Variants in PIEZO2 observed in about 807,000 individuals in gnomAD.
The protein encoded by PIEZO2 is piezo-type mechanosensitive ion channel component 2.
Under a neutral mutation model 337.3 loss-of-function variants are expected in PIEZO2, and 172 were observed. The ratio of observed to expected loss-of-function variants is 0.51; its 90% confidence interval spans 0.45 to 0.58. PIEZO2 has a LOEUF of 0.58. Among genes scored for constraint, PIEZO2 ranks in the 20% least tolerant of loss-of-function variants. PIEZO2 has a pLI of 0.00. For synonymous variants in PIEZO2, 1,251 were observed against 1,228.5 expected (o/e 1.02, Z -0.38); for missense variants, 3,028 against 3,391.3 (o/e 0.89, Z 2.66).
At chr18:11,022,953 C>T (rs150156594) in intron 2 of PIEZO2, among the ~76,000 whole-genome samples, 2 of 152,024 alleles carry the variant, frequency 1.3e-5, no homozygotes, top group Non-Finnish European at 2.9e-5. Flanking sequence ...AGGAGTGAAG[C>T]TGCGCACCTT....
rs2040922281 is a variant in PIEZO2, at chr18:10,833,725, A to G, written c.917+21628T>C. ...TCTGGAGAGACACTTTCTTCTTTCT[A>G]GTCAGCTTTGGGTCAAATATGTGTT... is the stretch of plus-strand genomic sequence containing the variant. On this transcript the variant is annotated intron_variant, in intron 7 of 55. Coordinates refer to ENST00000674853, the MANE Select transcript of PIEZO2 (RefSeq NM_001378183.1). The surrounding 1 kb of genome is among the most constrained non-coding windows in gnomAD (Gnocchi z 4.7). Among the ~76,000 whole-genome samples, 1 of 152,176 alleles carries G rather than the reference A, an allele frequency of 6.6e-6. No individual in the cohort carries two copies. Among genetic ancestry groups the G allele is most frequent in the Non-Finnish European group, 1.5e-5 (1 of 68,026 alleles).
At chr18:10,887,786 C>G (rs2042649319) in intron 4 of PIEZO2, among the ~76,000 whole-genome samples, 1 of 152,158 alleles carries the variant, frequency 6.6e-6, no homozygotes, top group Non-Finnish European at 1.5e-5. Context: ...TGAGTACCGT[C>G]TTTCATTATG....
In PIEZO2 at chr18:11,031,991, A is replaced by G. The variant is rs1481436691; in HGVS notation, c.160+34136T>C. ...TTCTCTCTGTCTCTCTCTCACACAC[A>G]TACGCATACACACAGATATTTACTG... On this transcript the variant is annotated intron_variant, in intron 2 of 55. Transcript: ENST00000674853. This position sits in a 1 kb window ranked among gnomAD's most constrained non-coding sequence, Gnocchi z 4.7. Among the ~76,000 whole-genome samples, 1 of 152,112 alleles carries G rather than the reference A, an allele frequency of 6.6e-6. No individual in the cohort carries two copies. Among genetic ancestry groups the G allele is most frequent in the African/African-American group, 2.4e-5 (1 of 41,412 alleles).
chr18:10,932,991 G>A (rs1422781565), intron 3 of PIEZO2, among the ~76,000 whole-genome samples: 2 of 152,082 alleles, frequency 1.3e-5, no homozygotes, highest in African/African-American at 2.4e-5. Flanking sequence ...AAGGGACTTA[G>A]GGAAGGGGCA....
At chr18:11,024,094 A>G (rs1331170310) in intron 2 of PIEZO2, among the ~76,000 whole-genome samples, 2 of 152,210 alleles carry the variant, frequency 1.3e-5, no homozygotes, top group African/African-American at 4.8e-5. Context: ...AGGGGCTCCC[A>G]CAGTGCAGCG....
At chr18:10,984,177 A>G (rs1014382232) in intron 2 of PIEZO2, among the ~76,000 whole-genome samples, 1 of 152,208 alleles carries the variant, frequency 6.6e-6, no homozygotes, top group African/African-American at 2.4e-5. Flanking sequence ...CAAAAATTCA[A>G]GAACATGAAG....
chr18:10,689,577 G>A, intron 49 of PIEZO2, 78 bp downstream of exon 49: 3 of 1,580,514 alleles, frequency 1.9e-6, no homozygotes, highest in East Asian at 2.2e-5. Flanking sequence ...ATTGTGAGCA[G>A]AAGTTCACAT....
At position 11,138,890 on chromosome 18, in the gene PIEZO2, G is replaced by A. The variant is rs573166988; in HGVS notation, c.64+9635C>T. 3.6e-4 allele frequency among the ~76,000 whole-genome samples: 55 copies of A among 152,266 alleles called. No individual in the cohort carries two copies. In the South Asian group the frequency reaches 0.011, roughly 32 times the overall value. ...AGGCTGTCTGATGTATCTGATTGGG[G>A]AGAAGACGGCAAAGACAAGACCATT... On this transcript the variant is annotated intron_variant, in intron 1 of 55. Coordinates refer to ENST00000674853, the MANE Select transcript of PIEZO2 (RefSeq NM_001378183.1).
chr18:10,671,880 G>T, intron 55 of PIEZO2, 101 bp from the exon 56 acceptor site: 1 of 1,107,470 alleles, frequency 9.0e-7, no homozygotes, highest in Non-Finnish European at 1.2e-6. Context: ...CTCAAATTCT[G>T]TAGAAGAAAT....
intron 20 of PIEZO2, among the ~76,000 whole-genome samples, chr18:10,770,586 TTC>T (rs2038560657): frequency 6.6e-6 from 1 of 151,070 alleles, no homozygotes; most frequent in Non-Finnish European, 1.5e-5. Flanking sequence ...CCTTCCTTCC[TTC>T]CTTCCACTCG....
Position 10,752,862 on chromosome 18 carries a change from G to T in PIEZO2, c.3941C>A (p.Ser1314Tyr), listed in dbSNP as rs9959296. Residue 1314 changes from serine (S) to tyrosine (Y), a missense_variant, in exon 28 of 56, where the codon TCC becomes TAC. By Grantham distance (144) the Ser-to-Tyr change is moderately radical (BLOSUM62 -2). Transcript: ENST00000674853. ...FIHCRSYLDMSKVIIFSYLFW... is the reference protein window; with the variant it reads ...FIHCRSYLDMYKVIIFSYLFW... ...GAGGTAGCTGAAGATGATCACTTTG[G>T]ACATGTCTAAGTAAGATCTGGAAAA... The T allele has an allele frequency of 2.6e-6, 4 of 1,536,490 alleles. No individual in the cohort carries two copies. The highest frequency in any genetic ancestry group is 3.5e-6 in the Non-Finnish European group (4 of 1,146,528).
chr18:10,960,954 G>A (rs903817959), intron 3 of PIEZO2, among the ~76,000 whole-genome samples: 7 of 152,058 alleles, frequency 4.6e-5, no homozygotes, highest in Admixed American at 6.5e-5. Context: ...TGAGGCGGGC[G>A]GATCATGAGG....
chr18:11,148,761 G>A lies in PIEZO2; in HGVS notation c.-173C>T, dbSNP rs2040875469. The A allele has an allele frequency of 4.9e-6, 3 of 607,428 alleles. No individual in the cohort carries two copies. In the South Asian group the frequency reaches 6.9e-5, roughly 14 times the overall value. 37.6% of individuals were successfully genotyped at this position (607,428 alleles called of 1,614,324 possible). A position where few individuals can be genotyped will look rare whatever the true frequency, so the allele number is the denominator to read the frequency against. On this transcript the variant is annotated 5_prime_UTR_variant, in exon 1 of 56. Transcript: ENST00000674853. The surrounding 1 kb of genome is among the most constrained non-coding windows in gnomAD (Gnocchi z 5.2). ...TCCGCCCCGAGGGCACGCTCCCGGG[G>A]CTCTTGGCCGCCCCTCGCCCACCGG...
At chr18:10,698,012 C>G (rs192868001) in intron 44 of PIEZO2, 132 bp from the exon 45 acceptor site, 2 of 1,062,350 alleles carry the variant, frequency 1.9e-6, no homozygotes, top group Non-Finnish European at 2.6e-6. Flanking sequence ...TGAGTATGCA[C>G]GGCCTTGGGA....
chr18:11,135,609 G>A (rs917911552), intron 1 of PIEZO2, among the ~76,000 whole-genome samples: 27 of 152,092 alleles, frequency 1.8e-4, no homozygotes, highest in South Asian at 4.1e-4. Context: ...GTGCAATGGC[G>A]TGATCTTGGC....
chr18:11,058,788 C>A (rs1291809079), intron 2 of PIEZO2, among the ~76,000 whole-genome samples: 1 of 151,988 alleles, frequency 6.6e-6, no homozygotes, highest in African/African-American at 2.4e-5. Flanking sequence ...GATTGGTGTA[C>A]CTGAAAGTGA....
chr18:10,704,529 G>T lies in PIEZO2; in HGVS notation c.6123C>A (p.Phe2041Leu). ...AGACCATGTGGTTGAGGATGATCAC[G>T]AAGTAGCACACCATCTCCGAGCGGG... ...LVARSEMVCY[F>L]VIILNHMVSA... is the part of the protein sequence containing the mutation. Residue 2041 changes from phenylalanine to leucine, a missense_variant, in exon 42 of 56, where the codon TTC (phenylalanine) becomes TTA (leucine). Coordinates refer to ENST00000674853, the MANE Select transcript of PIEZO2 (RefSeq NM_001378183.1). 1 of 1,537,236 alleles carries T rather than the reference G, an allele frequency of 6.5e-7. No individual in the cohort carries two copies. The highest frequency in any genetic ancestry group is 8.7e-7 in the Non-Finnish European group (1 of 1,146,926).
Position 10,811,616 on chromosome 18 carries a change from T to C in PIEZO2, c.918-4342A>G, listed in dbSNP as rs776433440. Among the ~76,000 whole-genome samples, 67 of 152,188 alleles carry C rather than the reference T, an allele frequency of 4.4e-4. 1 individual carries two copies. Among genetic ancestry groups the C allele is most frequent in the Non-Finnish European group, 1.3e-4 (9 of 68,036 alleles). On this transcript the variant is annotated intron_variant, in intron 7 of 55. Coordinates refer to ENST00000674853, the MANE Select transcript of PIEZO2 (RefSeq NM_001378183.1). ...TGCTTGAATCTCAACATCCATGATT[T>C]TAGTGCCCCACTTTAGGAAATAAGA...
intron 7 of PIEZO2, among the ~76,000 whole-genome samples, chr18:10,809,703 A>G (rs1218682681): frequency 6.6e-6 from 1 of 152,104 alleles, no homozygotes; most frequent in Non-Finnish European, 1.5e-5. Flanking sequence ...GCATCCAACA[A>G]TTATTTAATT....
Sources: gnomAD v4.1 joint callset for allele counts (sites outside exome capture counted in the v4.1 genomes callset) on GRCh38, gnomAD v4.1.1 for gene constraint, Gnocchi (gnomAD v3.1) non-coding constraint, MANE v1.5 for transcripts, NCBI Gene and HGNC (gene_info 2026-07-23, HGNC 2026-07-21) for gene names.